MARCHF1: variants seen among roughly 807,000 people sequenced by gnomAD.
MARCHF1 encodes the protein membrane associated ring-CH-type finger 1.
Under a neutral mutation model 54.2 loss-of-function variants are expected in MARCHF1, and 40 were observed. That is an observed-to-expected ratio of 0.74 (90% confidence interval 0.57 to 0.96). The LOEUF (loss-of-function observed/expected upper bound fraction) is 0.96, where lower values mean the gene tolerates loss of function less well. MARCHF1 is among the 40% of genes least tolerant of loss of function. The pLI, the probability that MARCHF1 is intolerant of heterozygous loss-of-function variation, is 0.00. For missense variants in MARCHF1, 586 were observed against 656.5 expected (o/e 0.89, Z 1.17); for synonymous variants, 236 against 236.3 (o/e 1.00, Z 0.01).
chr4:164,276,954 A>ATAT (rs1733901897), intron 1 of MARCHF1, among the ~76,000 whole-genome samples: 1 of 122,802 alleles, frequency 8.1e-6, no homozygotes, highest in Admixed American at 7.9e-5. Context: ...ATATAGAGAG[A>ATAT]GAGAGAGAGA....
chr4:163,835,642 A>G (rs942647372), intron 4 of MARCHF1, among the ~76,000 whole-genome samples: 2 of 152,172 alleles, frequency 1.3e-5, no homozygotes, highest in South Asian at 4.1e-4. Flanking sequence ...GCCGTGCTGC[A>G]ATTTCAGAGT....
At chr4:163,620,604 CACAGAGAGAGAGAGAGAGAGAG>C (rs1213826440) in intron 5 of MARCHF1, among the ~76,000 whole-genome samples, 153 of 49,708 alleles carry the variant, frequency 3.1e-3, no homozygotes, top group African/African-American at 0.011. Context: ...CACACACACA[CACAGAGAGAGAGAGAGAGAGAG>C]AGAGAGAGAG....
chr4:164,187,555 G>T (rs1731003420), intron 1 of MARCHF1, among the ~76,000 whole-genome samples: 1 of 152,096 alleles, frequency 6.6e-6, no homozygotes, highest in Non-Finnish European at 1.5e-5. Flanking sequence ...CTGCTGTGCT[G>T]TGAGTAATAA....
At chr4:163,810,311 T>C (rs1748348175) in intron 4 of MARCHF1, among the ~76,000 whole-genome samples, 1 of 152,360 alleles carries the variant, frequency 6.6e-6, no homozygotes, top group East Asian at 1.9e-4. Flanking sequence ...TGTAACTCAA[T>C]AATATTTTTT....
At chr4:164,365,363 C>G (rs1561020581) in intron 1 of MARCHF1, among the ~76,000 whole-genome samples, 1 of 151,978 alleles carries the variant, frequency 6.6e-6, no homozygotes, top group East Asian at 1.9e-4. Flanking sequence ...ATTAACAAGA[C>G]TTTGCTTTCT....
At chr4:163,766,227 C>T (rs2110847082) in intron 4 of MARCHF1, among the ~76,000 whole-genome samples, 1 of 152,060 alleles carries the variant, frequency 6.6e-6, no homozygotes, top group Non-Finnish European at 1.5e-5. Flanking sequence ...AATTTCTATT[C>T]TCACTGGTAG....
chr4:163,919,981 A>T (rs1560819618), intron 3 of MARCHF1, among the ~76,000 whole-genome samples: 1 of 152,220 alleles, frequency 6.6e-6, no homozygotes, highest in Non-Finnish European at 1.5e-5. Context: ...TTGGTAGGTG[A>T]TAAGTCTTCT....
chr4:164,137,211 C>A (rs1756420941), intron 1 of MARCHF1, among the ~76,000 whole-genome samples: 1 of 152,086 alleles, frequency 6.6e-6, no homozygotes, highest in Non-Finnish European at 1.5e-5. Context: ...TCATTGGTAT[C>A]TATCTTATGT....
At chr4:163,784,524 A>T (rs1187266889) in intron 4 of MARCHF1, among the ~76,000 whole-genome samples, 3 of 152,142 alleles carry the variant, frequency 2.0e-5, no homozygotes, top group African/African-American at 7.2e-5. Flanking sequence ...GAGCTCTAGG[A>T]CAAGTTTGTC....
At chr4:164,326,489 T>G (rs976084055) in intron 1 of MARCHF1, among the ~76,000 whole-genome samples, 1 of 152,098 alleles carries the variant, frequency 6.6e-6, no homozygotes, top group Non-Finnish European at 1.5e-5. Flanking sequence ...ACTCTAAAGA[T>G]AGTTGCTAGC....
chr4:163,674,319 A>G (rs1051164312), intron 5 of MARCHF1, among the ~76,000 whole-genome samples: 1 of 152,208 alleles, frequency 6.6e-6, no homozygotes, highest in Non-Finnish European at 1.5e-5. Flanking sequence ...CTGGTACCCC[A>G]TAAATTTATA....
At chr4:163,962,979 T>A (rs1353026093) in intron 3 of MARCHF1, among the ~76,000 whole-genome samples, 1 of 151,892 alleles carries the variant, frequency 6.6e-6, no homozygotes, top group Non-Finnish European at 1.5e-5. Flanking sequence ...TATCCACATT[T>A]ATTTCCACTC....
intron 8 of MARCHF1, among the ~76,000 whole-genome samples, chr4:163,563,704 C>T (rs1579066666): frequency 6.6e-6 from 1 of 152,238 alleles, no homozygotes; most frequent in African/African-American, 2.4e-5. Context: ...ATAAGAATAC[C>T]GATTTCATGT....
At position 164,061,735 on chromosome 4, in the gene MARCHF1, T is replaced by C. The variant is rs184138942; in HGVS notation, c.-248+49853A>G. 7.3e-3 allele frequency among the ~76,000 whole-genome samples: 1,102 copies of C among 151,938 alleles called. 14 individuals are homozygous for C. The highest frequency in any genetic ancestry group is 0.025 in the African/African-American group (1,053 of 41,428). On this transcript the variant is annotated intron_variant, in intron 2 of 9. Transcript: ENST00000514618. ...ACATAAACCAAAAAAAAGAGTGCAATAGAATTTTATCTAAAAATGTACATA... is the reference window on the plus strand; with the variant it reads ...ACATAAACCAAAAAAAAGAGTGCAACAGAATTTTATCTAAAAATGTACATA...
At chr4:164,170,491 C>T (rs7673875) in intron 1 of MARCHF1, among the ~76,000 whole-genome samples, 28,734 of 151,902 alleles carry the variant, frequency 0.19, 4,362 homozygotes, top group African/African-American at 0.41. Flanking sequence ...TTATCTTTTA[C>T]AATCACCATG....
chr4:164,256,011 C>T (rs1397117003), intron 1 of MARCHF1, among the ~76,000 whole-genome samples: 2 of 151,766 alleles, frequency 1.3e-5, no homozygotes, highest in African/African-American at 4.8e-5. Flanking sequence ...AAAATGTTGG[C>T]CTGGCATGGT....
intron 1 of MARCHF1, among the ~76,000 whole-genome samples, chr4:164,359,281 G>A (rs1730655866): frequency 2.0e-5 from 3 of 152,172 alleles, no homozygotes; most frequent in African/African-American, 7.2e-5. Context: ...GTTTGGGGAA[G>A]AATTTGTTCT....
intron 4 of MARCHF1, among the ~76,000 whole-genome samples, chr4:163,819,358 C>T (rs933145080): frequency 3.3e-5 from 5 of 152,068 alleles, no homozygotes; most frequent in African/African-American, 9.7e-5. Context: ...ATTTGGATGG[C>T]TGAACCACAA....
chr4:163,641,311 G>A (rs1742546512), intron 5 of MARCHF1, among the ~76,000 whole-genome samples: 1 of 152,052 alleles, frequency 6.6e-6, no homozygotes, highest in African/African-American at 2.4e-5. Context: ...AATACTATAT[G>A]AGGGAAAAAC....
Sources: allele counts gnomAD v4.1 joint callset (sites outside exome capture counted in the v4.1 genomes callset), GRCh38; gene constraint gnomAD v4.1.1; transcripts MANE v1.5; gene names NCBI Gene and HGNC (gene_info 2026-07-23, HGNC 2026-07-21).